TUSC3: variants seen among roughly 807,000 people sequenced by gnomAD.
The protein encoded by TUSC3 is dolichyl-diphosphooligosaccharide--protein glycosyltransferase subunit TUSC3.
TUSC3 carries 45 observed loss-of-function variants against 44.8 expected under a neutral mutation model. The ratio of observed to expected loss-of-function variants is 1.00; its 90% CI spans 0.79 to 1.29. The LOEUF (loss-of-function observed/expected upper bound fraction) is 1.29, where lower values mean the gene tolerates loss of function less well. Ranked by LOEUF, TUSC3 falls within the 50% of genes most tolerant of loss-of-function variation. The pLI, the probability that TUSC3 is intolerant of heterozygous loss-of-function variation, is 0.00. For missense variants in TUSC3, 519 were observed against 437.9 expected, an observed-to-expected ratio of 1.19 and a Z score of -1.65; for synonymous variants, 212 against 152.9, an observed-to-expected ratio of 1.39 and a Z score of -2.85.
intron 5 of TUSC3, 129 bp from the exon 6 acceptor site, chr8:15,673,618 A>T: frequency 1.3e-6 from 1 of 791,362 alleles, no homozygotes; most frequent in Non-Finnish European, 2.1e-6. Flanking sequence ...AATAAGTGAA[A>T]TTTTTTAAAA....
intron 6 of TUSC3, among the ~76,000 whole-genome samples, chr8:15,719,760 C>G (rs776898831): frequency 1.3e-5 from 2 of 151,996 alleles, no homozygotes; most frequent in African/African-American, 4.8e-5. Flanking sequence ...TCCTTCCATC[C>G]CCATTTCACA....
At chr8:15,556,947 T>G (rs1802291682) in intron 1 of TUSC3, among the ~76,000 whole-genome samples, 1 of 149,978 alleles carries the variant, frequency 6.7e-6, no homozygotes. Flanking sequence ...TCTCCCATTT[T>G]GTAGGTTGCC....
At chr8:15,491,190 G>A (rs544441311) in intron 2 of TUSC3, among the ~76,000 whole-genome samples, 163 of 151,730 alleles carry the variant, frequency 1.1e-3, no homozygotes, top group Middle Eastern at 6.8e-3. Flanking sequence ...TCAGTAGAGT[G>A]AAGGGATGAC....
intron 2 of TUSC3, among the ~76,000 whole-genome samples, chr8:15,640,705 A>G (rs1441285202): frequency 6.6e-6 from 1 of 152,142 alleles, no homozygotes; most frequent in African/African-American, 2.4e-5. Flanking sequence ...TGATACTGGC[A>G]TATATTTTTG....
chr8:15,504,621 A>ATTTTTTT (rs869264757), intron 2 of TUSC3, among the ~76,000 whole-genome samples: 1 of 20,298 alleles, frequency 4.9e-5, no homozygotes, highest in African/African-American at 2.0e-4. Flanking sequence ...ATATATATAT[A>ATTTTTTT]TTTTTTTTTT....
chr8:15,449,840 C>A (rs149955241), intron 1 of TUSC3, among the ~76,000 whole-genome samples: 185 of 152,164 alleles, frequency 1.2e-3, no homozygotes, highest in African/African-American at 4.3e-3. Flanking sequence ...TAATCTCTTA[C>A]ACTTTATTTT....
chr8:15,667,003 G>A (rs935930657), intron 5 of TUSC3, among the ~76,000 whole-genome samples: 10 of 151,436 alleles, frequency 6.6e-5, no homozygotes, highest in African/African-American at 2.4e-4. Flanking sequence ...ACTCATATAT[G>A]GATAGATTTT....
At chr8:15,689,419 T>A (rs573243944) in intron 6 of TUSC3, 1 of 205,848 alleles carries the variant, frequency 4.9e-6, no homozygotes, top group East Asian at 1.7e-4. Context: ...ACCTTGTTGT[T>A]CTTGATACCC....
intron 2 of TUSC3, among the ~76,000 whole-genome samples, chr8:15,506,500 A>C (rs1801051930): frequency 6.6e-6 from 1 of 152,194 alleles, no homozygotes; most frequent in African/African-American, 2.4e-5. Flanking sequence ...AAGAAATACC[A>C]AGACTGGGTA....
In TUSC3 at chr8:15,662,156, AT is replaced by A; in HGVS notation, c.570del (p.Arg191GlyfsTer17). 1.9e-6 allele frequency: 3 copies of A among 1,612,532 alleles called. No homozygotes were observed. The highest frequency in any genetic ancestry group is 8.5e-7 in the Non-Finnish European group (1 of 1,178,984). On this transcript the variant is annotated frameshift_variant and splice_region_variant, in exon 5 of 11. Coordinates refer to ENST00000503731, the MANE Select transcript of TUSC3 (RefSeq NM_006765.4). LOFTEE classifies it high-confidence loss of function. Reference sequence around the variant, plus strand: ...TGAAATTTCTATTGCATTTTTGCAGATTCGGGTTTTCAGACCACCCAACTAC... The same window carrying A: ...TGAAATTTCTATTGCATTTTTGCAGATCGGGTTTTCAGACCACCCAACTAC... ...KWIADRTDVH[I>X]RVFRPPNYSG... is the part of the protein sequence containing the mutation.
At chr8:15,791,621 C>G in the TUSC3 span, among the ~76,000 whole-genome samples, 2 of 152,140 alleles carry the variant, frequency 1.3e-5, no homozygotes, top group African/African-American at 4.8e-5. Context: ...CGGTAAGTTT[C>G]ACATCATTGC....
At chr8:15,838,020 C>T in the TUSC3 span, among the ~76,000 whole-genome samples, 2 of 152,082 alleles carry the variant, frequency 1.3e-5, no homozygotes, top group Admixed American at 1.3e-4. Flanking sequence ...TTATGCTTTA[C>T]TTCTTTGCTA....
At chr8:15,760,597 G>C (rs1199772419) in intron 10 of TUSC3, among the ~76,000 whole-genome samples, 1 of 152,100 alleles carries the variant, frequency 6.6e-6, no homozygotes, top group Non-Finnish European at 1.5e-5. Flanking sequence ...CGTCAACAAA[G>C]AATATTTTGT....
At chr8:15,729,866 C>T (rs186910237) in intron 6 of TUSC3, among the ~76,000 whole-genome samples, 7 of 148,454 alleles carry the variant, frequency 4.7e-5, no homozygotes, top group Admixed American at 2.7e-4. Context: ...AGTTTGAAGA[C>T]GAGAAAAAAA....
intron 6 of TUSC3, among the ~76,000 whole-genome samples, chr8:15,687,392 A>C (rs957604124): frequency 7.9e-5 from 12 of 152,272 alleles, no homozygotes; most frequent in Middle Eastern, 3.4e-3. Flanking sequence ...CCTCAGCACC[A>C]TGGTCATTTT....
intron 6 of TUSC3, among the ~76,000 whole-genome samples, chr8:15,682,386 T>C (rs1299512994): frequency 2.0e-5 from 3 of 152,200 alleles, no homozygotes; most frequent in African/African-American, 7.2e-5. Flanking sequence ...TTAAGTCTTC[T>C]GGATGAATCG....
At chr8:15,424,941 A>G (rs375364513) in intron 1 of TUSC3, among the ~76,000 whole-genome samples, 1 of 152,240 alleles carries the variant, frequency 6.6e-6, no homozygotes, top group East Asian at 1.9e-4. Context: ...GAATGGGCAG[A>G]CATGTACAAA....
intron 1 of TUSC3, among the ~76,000 whole-genome samples, chr8:15,589,770 C>T (rs1482328511): frequency 6.6e-6 from 1 of 152,102 alleles, no homozygotes. Flanking sequence ...CAGCCTTAGA[C>T]AACTTAAGTA....
intron 1 of TUSC3, among the ~76,000 whole-genome samples, chr8:15,439,656 A>G (rs1336219306): frequency 6.6e-6 from 1 of 152,340 alleles, no homozygotes; most frequent in African/African-American, 2.4e-5. Context: ...TGTTTATACA[A>G]ATTTGGGAGT....
Sources: allele counts gnomAD v4.1 joint callset (sites outside exome capture counted in the v4.1 genomes callset), GRCh38; gene constraint gnomAD v4.1.1; transcripts MANE v1.5; gene names NCBI Gene and HGNC (gene_info 2026-07-23, HGNC 2026-07-21).